ZNF516: variants seen among roughly 807,000 people sequenced by gnomAD.
ZNF516 encodes the protein zinc finger protein 516.
A neutral mutation model predicts 79.7 loss-of-function variants in ZNF516; 19 were observed. That is an observed-to-expected ratio of 0.24 (90% CI 0.17 to 0.35). The LOEUF is 0.35. Among genes scored for constraint, ZNF516 ranks in the 10% least tolerant of loss-of-function variants. ZNF516 has a pLI of 1.00. For missense variants in ZNF516, 1,678 were observed against 1,679.5 expected, an observed-to-expected ratio of 1.00 and a Z score of 0.02; for synonymous variants, 877 against 739.5, an observed-to-expected ratio of 1.19 and a Z score of -3.02.
rs766693833 is a variant in ZNF516 at position 76,442,718 on chromosome 18, C to A, written c.337G>T (p.Ala113Ser). The A allele has an allele frequency of 6.3e-7, 1 of 1,580,496 alleles. No individual in the cohort carries two copies. Residue 113 changes from alanine (A) to serine (S), a missense_variant, in exon 3 of 7, where the codon GCC becomes TCC. By Grantham distance (99) the Ala-to-Ser change is moderately conservative. This residue lies in a region of ZNF516 where 279 missense variants were observed against 254.1 expected (regional missense o/e 1.10). Transcript: ENST00000443185. ...GCGCTCTTGGTGGGGCTGGCGCAGGCGTCCAGGCCCTCGGAGGCGCGCATC... is the reference window on the plus strand; with the variant it reads ...GCGCTCTTGGTGGGGCTGGCGCAGGAGTCCAGGCCCTCGGAGGCGCGCATC... ...GEMRASEGLDACASPTKSASA... is the reference protein window; with the variant it reads ...GEMRASEGLDSCASPTKSASA...
Position 76,491,367 on chromosome 18 carries a change from T to C in ZNF516, c.-272+3777A>G, listed in dbSNP as rs1210052375. ...GCCCTTCCCCCCGCAGCCCCCTCTC[T>C]CCTCCTCCGGGCCTCGCTCCCGCCC... On this transcript the variant is annotated intron_variant, in intron 1 of 6. Transcript: ENST00000443185. 1.0e-4 allele frequency among the ~76,000 whole-genome samples: 9 copies of C among 86,792 alleles called. No homozygotes were observed. In the East Asian group the frequency reaches 2.9e-3, roughly 28 times the overall value. The allele number at this position is 86,792 out of a possible 152,430, so 56.9% of individuals were successfully genotyped here. A position where few individuals can be genotyped will look rare whatever the true frequency, so the allele number is the denominator to read the frequency against.
Position 76,441,949 on chromosome 18 carries a change from G to A in ZNF516, c.1106C>T (p.Ala369Val), listed in dbSNP as rs1244109503. The stretch of plus-strand genomic sequence containing the variant: ...CGAGGGCCCCTCCGCCCCCTCCTCG[G>A]CCGGGGCGCGCGTGCGGCTGGCCTC... ...RVEASRTRAP[A>V]EEGAEGPSDT... Residue 369 changes from alanine (A) to valine (V), a missense_variant, in exon 3 of 7, where the codon GCC becomes GTC. Physicochemically the swap from Ala to Val is moderately conservative, Grantham distance 64 (BLOSUM62 0). Coordinates refer to ENST00000443185, the MANE Select transcript of ZNF516 (RefSeq NM_014643.4). The A allele has an allele frequency of 5.6e-6, 9 of 1,611,332 alleles. No individual in the cohort carries two copies. The highest frequency in any genetic ancestry group is 1.3e-5 in the African/African-American group (1 of 74,926).
chr18:76,439,167 G>C (rs2075781953), intron 3 of ZNF516, among the ~76,000 whole-genome samples: 1 of 152,238 alleles, frequency 6.6e-6, no homozygotes, highest in South Asian at 2.1e-4. Flanking sequence ...ACAAATCACA[G>C]TGTTTTGAGA....
chr18:76,461,770 A>T (rs887222120), intron 2 of ZNF516, among the ~76,000 whole-genome samples: 1 of 152,220 alleles, frequency 6.6e-6, no homozygotes, highest in Non-Finnish European at 1.5e-5. Context: ...CACGGGAACC[A>T]GCTTGAGGCT....
At chr18:76,496,133 G>A (rs1915470493), upstream of ZNF516, 1 of 526,788 alleles carries the variant, frequency 1.9e-6, no homozygotes, top group Non-Finnish European at 3.0e-6. Flanking sequence ...GGCAGGGATG[G>A]CCGGGGTGGG....
intron 2 of ZNF516, among the ~76,000 whole-genome samples, chr18:76,458,146 T>C (rs1338550878): frequency 2.6e-5 from 4 of 152,218 alleles, no homozygotes; most frequent in Non-Finnish European, 4.4e-5. Flanking sequence ...TCAGTTAACA[T>C]CATCTATAGC....
At chr18:76,489,767 C>G (rs998868295) in intron 1 of ZNF516, among the ~76,000 whole-genome samples, 3 of 152,026 alleles carry the variant, frequency 2.0e-5, no homozygotes, top group African/African-American at 7.2e-5. Context: ...AGTTAAAGTT[C>G]TTGATCTAGT....
intron 3 of ZNF516, among the ~76,000 whole-genome samples, chr18:76,421,786 G>C (rs182674030): frequency 2.6e-5 from 4 of 152,314 alleles, no homozygotes; most frequent in Admixed American, 2.6e-4. Context: ...CAGTAAGAAA[G>C]TGTACAAAGT....
In ZNF516 at chr18:76,442,308, C is replaced by A. The variant is rs374008657; in HGVS notation, c.747G>T (p.Pro249=). The change falls in exon 3 of 7, where the codon CCG becomes CCT. Residue 249 remains proline, a synonymous_variant. Coordinates refer to ENST00000443185, the MANE Select transcript of ZNF516 (RefSeq NM_014643.4). ...GKPELSPGEF[P]CEVCGQAFSQ... is the part of the protein sequence containing the mutation. ...TGAAGGCCTGGCCACACACCTCGCA[C>A]GGGAACTCCCCGGGGCTCAGCTCGG... 1.9e-6 allele frequency: 3 copies of A among 1,612,154 alleles called. No individual in the cohort carries two copies. The highest frequency in any genetic ancestry group is 2.5e-6 in the Non-Finnish European group (3 of 1,179,412).
In ZNF516 at chr18:76,493,221, C is replaced by A; in HGVS notation, c.-272+1923G>T. The A allele has an allele frequency of 1.0e-6, 1 of 965,466 alleles. No individual in the cohort carries two copies. Among genetic ancestry groups the A allele is most frequent in the Non-Finnish European group, 1.2e-6 (1 of 812,718 alleles). The allele number at this position is 965,466 out of a possible 1,614,324, so 59.8% of individuals were successfully genotyped here. A position where few individuals can be genotyped will look rare whatever the true frequency, so the allele number is the denominator to read the frequency against. On this transcript the variant is annotated intron_variant, in intron 1 of 6. Transcript: ENST00000443185. This position sits in a 1 kb window ranked among gnomAD's most constrained non-coding sequence, Gnocchi z 5.2. ...AAGGAGGGAGGCGTCAGACGATATC[C>A]ATTTAAATATATTTTGTACTTCCAC...
upstream of ZNF516, chr18:76,496,388 G>A (rs1427723260): frequency 7.8e-7 from 1 of 1,289,672 alleles, no homozygotes; most frequent in Non-Finnish European, 1.0e-6. Context: ...TGCAATCCTG[G>A]CGGTTACCTC....
intron 4 of ZNF516, among the ~76,000 whole-genome samples, chr18:76,372,260 C>T (rs11660849): frequency 0.14 from 21,574 of 152,288 alleles, 1,770 homozygotes; most frequent in Non-Finnish European, 0.19. Flanking sequence ...TCCTTCTGAT[C>T]CAAAAAGCCA....
intron 2 of ZNF516, among the ~76,000 whole-genome samples, chr18:76,446,080 TCATGCTCCCAGTCACCAGCCACATG>T (rs752715020): frequency 0.036 from 5,411 of 152,264 alleles, 223 homozygotes; most frequent in East Asian, 0.13. Context: ...GTCCCAGCCC[TCATGCTCCCAGTCACCAGCCACATG>T]CCTTTCTAGG....
intron 3 of ZNF516, chr18:76,388,072 C>G (rs2075019085): frequency 6.6e-6 from 1 of 152,108 alleles, no homozygotes; most frequent in Non-Finnish European, 1.5e-5. Context: ...GGAGGTCGGC[C>G]GTGGGACAGC....
At chr18:76,367,599 T>C (rs914664849) in intron 6 of ZNF516, among the ~76,000 whole-genome samples, 3 of 152,054 alleles carry the variant, frequency 2.0e-5, no homozygotes, top group Non-Finnish European at 4.4e-5. Flanking sequence ...CGTGCTGAGC[T>C]CTTTAGGGAC....
intron 3 of ZNF516, chr18:76,389,342 T>A (rs1354692568): frequency 6.7e-6 from 1 of 150,166 alleles, no homozygotes; most frequent in African/African-American, 2.5e-5. Context: ...GAGGGCTGGG[T>A]AAGATAGGAC....
Position 76,459,185 on chromosome 18 carries a change from G to A in ZNF516, c.-158+3843C>T, listed in dbSNP as rs1249166187. Among the ~76,000 whole-genome samples the A allele has an allele frequency of 6.6e-6, 1 of 152,194 alleles. No homozygotes were observed. The highest frequency in any genetic ancestry group is 1.9e-4 in the East Asian group (1 of 5,196). On this transcript the variant is annotated intron_variant, in intron 2 of 6. Transcript: ENST00000443185. This position sits in a 1 kb window ranked among gnomAD's most constrained non-coding sequence, Gnocchi z 5.0. ...GACGCTGCAGCAGTAACGGGGCGCC[G>A]GGCCCACCTGCTGCCCCTCTCCTGT...
At chr18:76,462,827 C>T (rs1266483884) in intron 2 of ZNF516, among the ~76,000 whole-genome samples, 1 of 152,114 alleles carries the variant, frequency 6.6e-6, no homozygotes, top group Non-Finnish European at 1.5e-5. Flanking sequence ...CAAAGTAGCC[C>T]ACAGAGGCGG....
Position 76,432,776 on chromosome 18 carries a change from G to A in ZNF516, c.1810+8469C>T, listed in dbSNP as rs1390994102. Among the ~76,000 whole-genome samples, 5 of 152,334 alleles carry A rather than the reference G, an allele frequency of 3.3e-5. No individual in the cohort carries two copies. In the East Asian group the frequency reaches 9.6e-4, roughly 29 times the overall value. On this transcript the variant is annotated intron_variant, in intron 3 of 6. Coordinates refer to ENST00000443185, the MANE Select transcript of ZNF516 (RefSeq NM_014643.4). ...GCCGTGACAGTCTGGGGCCCAGGCA[G>A]GACCCCATGCCCAGGGTCACTCGAT...
Sources: gnomAD v4.1 joint callset for allele counts (sites outside exome capture counted in the v4.1 genomes callset) on GRCh38, gnomAD v4.1.1 for gene constraint, gnomAD v4.1.1 regional missense constraint, Gnocchi (gnomAD v3.1) non-coding constraint, MANE v1.5 for transcripts, NCBI Gene and HGNC (gene_info 2026-07-23, HGNC 2026-07-21) for gene names.